The following SELENOT variants were observed in gnomAD, a reference collection of about 807,000 sequenced individuals.
SELENOT encodes thioredoxin reductase-like selenoprotein T.
In SELENOT, 9 loss-of-function variants were observed where a neutral mutation model predicts 24.3. The observed-to-expected ratio is 0.37, with a 90% CI of 0.22 to 0.65. The LOEUF is 0.65. Among genes scored for constraint, SELENOT ranks in the 30% least tolerant of loss-of-function variants. The probability of loss-of-function intolerance (pLI) is 0.60; values close to 1 mark genes in which losing one functional copy is unlikely to be tolerated. For synonymous variants in SELENOT, 81 were observed against 86.0 expected, an observed-to-expected ratio of 0.94 and a Z score of 0.32; for missense variants, 166 against 247.6, an observed-to-expected ratio of 0.67 and a Z score of 2.21.
chr3:150,624,946 A>G (rs1726410069), intron 4 of SELENOT, 47 bp downstream of exon 4: 1 of 1,001,786 alleles, frequency 1.0e-6, no homozygotes, highest in African/African-American at 1.7e-5. Context: ...TAAATGATTT[A>G]TAATGAGTAT....
Position 150,628,969 on chromosome 3 carries a change from A to G in SELENOT, c.*1340A>G, listed in dbSNP as rs1384149256. 3 of 152,204 alleles carry G rather than the reference A, an allele frequency of 2.0e-5. No individual in the cohort carries two copies. The East Asian group carries it at 5.8e-4, about 29-fold the overall frequency. The allele number at this position is 152,204 out of a possible 1,614,324, so 9.4% of individuals were successfully genotyped here. A position where few individuals can be genotyped will look rare whatever the true frequency, so the allele number is the denominator to read the frequency against. The stretch of plus-strand genomic sequence containing the variant: ...TTTCAAAGTTTGGAATATTTGCATT[A>G]TACTTACCAGTTGGGCATCCCAAAT... On this transcript the variant is annotated 3_prime_UTR_variant, in exon 6 of 6. Transcript: ENST00000471696.
chr3:150,619,520 AGT>A (rs1401622892), intron 1 of SELENOT, among the ~76,000 whole-genome samples: 2 of 152,204 alleles, frequency 1.3e-5, no homozygotes, highest in Non-Finnish European at 2.9e-5. Context: ...TGGGCAACAG[AGT>A]GAGACTGTCT....
chr3:150,618,627 TC>T (rs541436882), intron 1 of SELENOT: 30 of 154,118 alleles, frequency 1.9e-4, no homozygotes, highest in African/African-American at 7.2e-4. Context: ...ACTCAAATGA[TC>T]CTCCCACCTC....
intron 2 of SELENOT, 97 bp downstream of exon 2, chr3:150,622,592 C>T: frequency 2.0e-6 from 1 of 497,868 alleles, no homozygotes; most frequent in Non-Finnish European, 3.5e-6. Context: ...ATTGTAATTA[C>T]TTAGTTGGTT....
In SELENOT at chr3:150,628,279, A is replaced by G. The variant is rs1189615713; in HGVS notation, c.*650A>G. On this transcript the variant is annotated 3_prime_UTR_variant, in exon 6 of 6. Coordinates refer to ENST00000471696, the MANE Select transcript of SELENOT (RefSeq NM_016275.5). ...AAAAACCAACTGCTTTTTAAATCCT[A>G]TTGTGTAGTTAAAGTGTCATGCCTT... 1 of 152,576 alleles carries G rather than the reference A, an allele frequency of 6.6e-6. No homozygotes were observed. Among genetic ancestry groups the G allele is most frequent in the Non-Finnish European group, 1.5e-5 (1 of 68,006 alleles). 9.5% of individuals were successfully genotyped at this position (152,576 alleles called of 1,614,324 possible).
chr3:150,625,870 CTT>C (rs34698339), intron 4 of SELENOT, among the ~76,000 whole-genome samples: 214 of 139,248 alleles, frequency 1.5e-3, no homozygotes, highest in African/African-American at 4.2e-3. Context: ...TAAACAATAA[CTT>C]TTTTTTTTTT....
intron 4 of SELENOT, among the ~76,000 whole-genome samples, chr3:150,625,269 T>C (rs1726415935): frequency 6.6e-6 from 1 of 152,132 alleles, no homozygotes; most frequent in Non-Finnish European, 1.5e-5. Context: ...AATGCTATGC[T>C]GAAGAATCTT....
At chr3:150,621,947 A>G (rs1726354169) in intron 1 of SELENOT, among the ~76,000 whole-genome samples, 1 of 151,868 alleles carries the variant, frequency 6.6e-6, no homozygotes. Flanking sequence ...CCCAAATTTG[A>G]AAGTCTGTAG....
chr3:150,621,769 A>G (rs909146358), intron 1 of SELENOT, among the ~76,000 whole-genome samples: 6 of 152,028 alleles, frequency 3.9e-5, no homozygotes, highest in South Asian at 4.1e-4. Context: ...TTGGCAAAGT[A>G]GAATCAAATT....
intron 1 of SELENOT, among the ~76,000 whole-genome samples, chr3:150,617,193 C>T (rs377217852): frequency 6.8e-4 from 104 of 152,314 alleles, no homozygotes; most frequent in African/African-American, 2.5e-3. Flanking sequence ...ATTTGTTTCT[C>T]TCAGTCTGTG....
chr3:150,609,651 T>C (rs999540279), intron 1 of SELENOT, among the ~76,000 whole-genome samples: 1 of 152,120 alleles, frequency 6.6e-6, no homozygotes, highest in Non-Finnish European at 1.5e-5. Flanking sequence ...CCAGCCTTGG[T>C]GTTTTCTTTC....
chr3:150,619,638 A>C (rs984955387), intron 1 of SELENOT, among the ~76,000 whole-genome samples: 1 of 152,224 alleles, frequency 6.6e-6, no homozygotes, highest in African/African-American at 2.4e-5. Context: ...GTGTGTTCAT[A>C]TACTTATTTG....
At chr3:150,622,151 C>T (rs1333521300) in intron 1 of SELENOT, among the ~76,000 whole-genome samples, 2 of 151,402 alleles carry the variant, frequency 1.3e-5, no homozygotes, top group Non-Finnish European at 2.9e-5. Flanking sequence ...GGCCGCATTA[C>T]TGGCATATAT....
intron 4 of SELENOT, among the ~76,000 whole-genome samples, chr3:150,626,166 C>T (rs562028245): frequency 4.6e-5 from 7 of 152,256 alleles, no homozygotes. Context: ...TGAGCCACCT[C>T]GCCCAGCCTA....
chr3:150,609,434 C>T lies in SELENOT; in HGVS notation c.137+5935C>T, dbSNP rs549417543. Among the ~76,000 whole-genome samples, 10 of 152,252 alleles carry T rather than the reference C, an allele frequency of 6.6e-5. No homozygotes were observed. The South Asian group carries it at 1.0e-3, about 16-fold the overall frequency. Reference sequence around the variant, plus strand: ...GTGCAGTCATTGCTCATTGTAGCCTCGACTGCCGAGGCTCAAGTCATTCTC... The same window carrying T: ...GTGCAGTCATTGCTCATTGTAGCCTTGACTGCCGAGGCTCAAGTCATTCTC... On this transcript the variant is annotated intron_variant, in intron 1 of 5. Transcript: ENST00000471696.
intron 1 of SELENOT, among the ~76,000 whole-genome samples, chr3:150,613,665 CTTTTTT>C (rs531822237): frequency 3.8e-5 from 3 of 78,890 alleles, no homozygotes; most frequent in South Asian, 1.3e-3. Flanking sequence ...AAGATGGGAA[CTTTTTT>C]TTTTTTTTTT....
At chr3:150,619,150 G>T (rs1261644063) in intron 1 of SELENOT, among the ~76,000 whole-genome samples, 5 of 151,656 alleles carry the variant, frequency 3.3e-5, no homozygotes, top group African/African-American at 7.3e-5. Context: ...GAACCCGGGA[G>T]GCGGAGCTTG....
chr3:150,616,838 A>G (rs1726228583), intron 1 of SELENOT, among the ~76,000 whole-genome samples: 1 of 152,228 alleles, frequency 6.6e-6, no homozygotes, highest in African/African-American at 2.4e-5. Flanking sequence ...ACGAGGTTTT[A>G]CCGTGTTACT....
In SELENOT at chr3:150,603,342, G is replaced by A. The variant is rs777161496; in HGVS notation, c.-21G>A. The stretch of plus-strand genomic sequence containing the variant: ...GGCTGCAGTCTGTCTGAGGGCGGCC[G>A]AAGTGGCTGGCTCATTTAAGATGAG... On this transcript the variant is annotated 5_prime_UTR_variant, in exon 1 of 6. Transcript: ENST00000471696. 9 of 1,604,564 alleles carry A rather than the reference G, an allele frequency of 5.6e-6. No homozygotes were observed. In the African/African-American group the frequency reaches 9.4e-5, roughly 17 times the overall value.
Sources: allele counts gnomAD v4.1 joint callset (sites outside exome capture counted in the v4.1 genomes callset), GRCh38; gene constraint gnomAD v4.1.1; transcripts MANE v1.5; gene names NCBI Gene and HGNC (gene_info 2026-07-23, HGNC 2026-07-21).